Variants in VPS54 observed in about 807,000 individuals in gnomAD.
VPS54 encodes VPS54 subunit of GARP complex.
VPS54 carries 45 observed loss-of-function variants against 121.5 expected under a neutral mutation model. The observed-to-expected ratio is 0.37, with a 90% CI of 0.29 to 0.47. VPS54 has a LOEUF of 0.47. Among genes scored for constraint, VPS54 ranks in the 20% least tolerant of loss-of-function variants. The pLI is 0.99. For missense variants in VPS54, 1,090 were observed against 1,131.4 expected (o/e 0.96, Z 0.52); for synonymous variants, 371 against 385.8 (o/e 0.96, Z 0.45).
At chr2:63,975,783 G>C (rs951276726) in intron 3 of VPS54, among the ~76,000 whole-genome samples, 2 of 152,210 alleles carry the variant, frequency 1.3e-5, no homozygotes, top group African/African-American at 4.8e-5. Flanking sequence ...CCAGCTCTGT[G>C]TGGATTATTC....
intron 1 of VPS54, among the ~76,000 whole-genome samples, chr2:63,991,894 C>T (rs149471431): frequency 6.6e-5 from 10 of 152,306 alleles, no homozygotes; most frequent in East Asian, 3.9e-4. Context: ...TCCACCTCCA[C>T]GTTAGGGGTT....
intron 1 of VPS54, among the ~76,000 whole-genome samples, chr2:63,993,942 C>A (rs1437547232): frequency 6.6e-6 from 1 of 152,118 alleles, no homozygotes; most frequent in Non-Finnish European, 1.5e-5. Context: ...ATAGGATTTC[C>A]CCAAAACCTT....
intron 8 of VPS54, among the ~76,000 whole-genome samples, chr2:63,947,996 C>G (rs1013669444): frequency 1.3e-5 from 2 of 152,078 alleles, no homozygotes; most frequent in Admixed American, 6.6e-5. Context: ...ACCACCACAC[C>G]TGGCTAATTT....
intron 6 of VPS54, 133 bp downstream of exon 6, chr2:63,965,702 G>T (rs979211081): frequency 6.3e-6 from 8 of 1,268,782 alleles, no homozygotes; most frequent in Non-Finnish European, 8.7e-6. Flanking sequence ...AAGATTGGGA[G>T]GCTTATAGTT....
chr2:64,017,723 A>T (rs951502573), intron 1 of VPS54, among the ~76,000 whole-genome samples: 1 of 152,240 alleles, frequency 6.6e-6, no homozygotes, highest in Admixed American at 6.5e-5. Flanking sequence ...TGCCTCTTAG[A>T]TTGGTAGTGT....
rs1025418461 is a variant in VPS54, at chr2:63,909,193, T to C, written c.2625+3152A>G. On this transcript the variant is annotated intron_variant, in intron 20 of 22. Coordinates refer to ENST00000272322, the MANE Select transcript of VPS54 (RefSeq NM_016516.3). ...TATATCCTACATCCTGTCATAGTTATTGATGTACTTCCCTGACAAATATTT... is the reference window on the plus strand; with the variant it reads ...TATATCCTACATCCTGTCATAGTTACTGATGTACTTCCCTGACAAATATTT... 2.6e-5 allele frequency among the ~76,000 whole-genome samples: 4 copies of C among 152,196 alleles called. No homozygotes were observed. The East Asian group carries it at 7.7e-4, about 29-fold the overall frequency.
chr2:64,000,789 C>T (rs114820305), intron 1 of VPS54, among the ~76,000 whole-genome samples: 2 of 152,220 alleles, frequency 1.3e-5, no homozygotes, highest in African/African-American at 2.4e-5. Flanking sequence ...ACACAAGCAC[C>T]CTGTGGTCAA....
At chr2:63,976,014 G>A (rs539609346) in intron 3 of VPS54, among the ~76,000 whole-genome samples, 16 of 152,200 alleles carry the variant, frequency 1.1e-4, no homozygotes, top group Non-Finnish European at 2.1e-4. Context: ...ACAGGCGTGA[G>A]CCGACACGCC....
At chr2:63,961,250 T>C (rs1315226499) in intron 7 of VPS54, among the ~76,000 whole-genome samples, 5 of 152,228 alleles carry the variant, frequency 3.3e-5, no homozygotes, top group African/African-American at 4.8e-5. Context: ...GTTCATCTAA[T>C]TAAATTTGGT....
intron 7 of VPS54, among the ~76,000 whole-genome samples, chr2:63,953,599 C>T (rs1048268126): frequency 7.2e-5 from 11 of 152,046 alleles, no homozygotes; most frequent in South Asian, 2.1e-4. Flanking sequence ...CATGCTGTAG[C>T]GCATGTACAA....
intron 9 of VPS54, among the ~76,000 whole-genome samples, chr2:63,945,978 T>A (rs1182152326): frequency 6.6e-6 from 1 of 152,168 alleles, no homozygotes; most frequent in Non-Finnish European, 1.5e-5. Context: ...AGTACATCTG[T>A]GTAATCAGAA....
At chr2:63,958,691 G>A (rs1378104639) in intron 7 of VPS54, among the ~76,000 whole-genome samples, 1 of 152,130 alleles carries the variant, frequency 6.6e-6, no homozygotes, top group East Asian at 1.9e-4. Context: ...ACTCCAGCCT[G>A]GGTGACAGGG....
At chr2:64,006,629 CT>C (rs569562947) in intron 1 of VPS54, among the ~76,000 whole-genome samples, 14 of 135,876 alleles carry the variant, frequency 1.0e-4, no homozygotes, top group African/African-American at 2.2e-4. Context: ...TTATTATAAA[CT>C]TTTTTTTTTT....
At chr2:63,954,809 T>TA (rs1463863348) in intron 7 of VPS54, among the ~76,000 whole-genome samples, 1 of 151,994 alleles carries the variant, frequency 6.6e-6, no homozygotes, top group Non-Finnish European at 1.5e-5. Flanking sequence ...CATGGAAACA[T>TA]AGTTTACAAA....
chr2:63,977,614 TG>T (rs1233070862), intron 3 of VPS54, among the ~76,000 whole-genome samples: 7 of 152,366 alleles, frequency 4.6e-5, no homozygotes, highest in Admixed American at 4.6e-4. Flanking sequence ...ATGTTGTCCA[TG>T]TTTTCCACTA....
intron 11 of VPS54, among the ~76,000 whole-genome samples, chr2:63,938,059 G>GGTGTGTGTGGTGTGTGTGTGTGTGTGT (rs1553475196): frequency 2.8e-5 from 4 of 140,478 alleles, no homozygotes; most frequent in African/African-American, 5.5e-5. Flanking sequence ...TGGTGTGTGT[G>GGTGTGTGTGGTGTGTGTGTGTGTGTGT]GTGTGTGTGT....
chr2:63,897,040 A>G (rs962632485), intron 22 of VPS54, among the ~76,000 whole-genome samples: 1 of 152,208 alleles, frequency 6.6e-6, no homozygotes, highest in African/African-American at 2.4e-5. Flanking sequence ...ACAGTAATAT[A>G]TACAATCTTT....
At chr2:64,015,080 C>T (rs903209607) in intron 1 of VPS54, among the ~76,000 whole-genome samples, 4 of 151,566 alleles carry the variant, frequency 2.6e-5, no homozygotes, top group African/African-American at 9.7e-5. Flanking sequence ...TAAAGTTAAA[C>T]ACTTAGCTTA....
At chr2:63,932,276 G>A (rs1457777970) in intron 12 of VPS54, among the ~76,000 whole-genome samples, 1 of 152,204 alleles carries the variant, frequency 6.6e-6, no homozygotes, top group African/African-American at 2.4e-5. Flanking sequence ...ATCAATGATA[G>A]ACTGGATTAA....
Sources: allele counts gnomAD v4.1 joint callset (sites outside exome capture counted in the v4.1 genomes callset), GRCh38; gene constraint gnomAD v4.1.1; transcripts MANE v1.5; gene names NCBI Gene and HGNC (gene_info 2026-07-23, HGNC 2026-07-21).